Variants in TTBK2 observed in about 807,000 individuals in gnomAD.
The protein encoded by TTBK2 is tau tubulin kinase 2.
Under a neutral mutation model 110.8 loss-of-function variants are expected in TTBK2, and 28 were observed. The observed-to-expected ratio is 0.25, with a 90% confidence interval of 0.19 to 0.35. The LOEUF (loss-of-function observed/expected upper bound fraction) is 0.35. Ranked by LOEUF, TTBK2 falls within the 10% of genes least tolerant of loss-of-function variation. The pLI is 1.00. For missense variants in TTBK2, 1,369 were observed against 1,500.3 expected (o/e 0.91, Z 1.45); for synonymous variants, 532 against 527.3 (o/e 1.01, Z -0.12).
intron 10 of TTBK2, among the ~76,000 whole-genome samples, chr15:42,789,829 CAT>C (rs994472509): frequency 2.9e-5 from 4 of 138,700 alleles, no homozygotes; most frequent in Non-Finnish European, 1.6e-5. Flanking sequence ...ATTGTGTGTG[CAT>C]ATATATATAC....
chr15:42,907,919 A>AAAAT (rs1555437491), intron 1 of TTBK2, among the ~76,000 whole-genome samples: 2 of 147,698 alleles, frequency 1.4e-5, no homozygotes, highest in African/African-American at 5.0e-5. Flanking sequence ...AAAAAAAAAA[A>AAAAT]AATAATAATA....
At chr15:42,828,945 A>G (rs967265622) in intron 5 of TTBK2, among the ~76,000 whole-genome samples, 1 of 152,158 alleles carries the variant, frequency 6.6e-6, no homozygotes, top group Non-Finnish European at 1.5e-5. Flanking sequence ...TTGTTACCAG[A>G]ATTGTTAGTT....
chr15:42,886,831 G>A (rs1200924236), intron 1 of TTBK2, among the ~76,000 whole-genome samples: 1 of 152,218 alleles, frequency 6.6e-6, no homozygotes, highest in Non-Finnish European at 1.5e-5. Context: ...CTAGGCCAAG[G>A]AATGCCCACA....
intron 3 of TTBK2, among the ~76,000 whole-genome samples, chr15:42,862,166 T>C (rs992293832): frequency 5.3e-5 from 8 of 152,030 alleles, no homozygotes; most frequent in African/African-American, 1.9e-4. Flanking sequence ...CACAAAGAAC[T>C]GGTATCAATC....
chr15:42,810,665 G>C lies in TTBK2; in HGVS notation c.771C>G (p.Ile257Met). The C allele has an allele frequency of 6.2e-7, 1 of 1,614,036 alleles. No individual in the cohort carries two copies. Among genetic ancestry groups the C allele is most frequent in the Non-Finnish European group, 8.5e-7 (1 of 1,179,954 alleles). The change falls in exon 9 of 15, where the codon ATC (isoleucine) becomes ATG (methionine). Residue 257 changes from isoleucine (I) to methionine (M), a missense_variant. Physicochemically the swap from Ile to Met is conservative, Grantham distance 10 (BLOSUM62 1). Transcript: ENST00000267890. Reference protein sequence around the residue: ...MLKHLPPEFSIFLDHISSLDY... With the variant: ...MLKHLPPEFSMFLDHISSLDY... ...CCAAAGAAGAGATATGGTCTAGAAA[G>C]ATGCTGAATTCTGGAGGGAGATGTT...
intron 1 of TTBK2, among the ~76,000 whole-genome samples, chr15:42,888,332 T>C (rs1895323419): frequency 6.6e-6 from 1 of 151,956 alleles, no homozygotes; most frequent in Non-Finnish European, 1.5e-5. Context: ...CTTCAATCCA[T>C]CCTCCCACAT....
At chr15:42,903,095 G>A (rs1404155693) in intron 1 of TTBK2, among the ~76,000 whole-genome samples, 2 of 151,694 alleles carry the variant, frequency 1.3e-5, no homozygotes, top group African/African-American at 2.4e-5. Flanking sequence ...ATGAGCCACC[G>A]TGCCCGGCTG....
At chr15:42,826,182 A>G (rs1479513985) in intron 6 of TTBK2, among the ~76,000 whole-genome samples, 1 of 152,168 alleles carries the variant, frequency 6.6e-6, no homozygotes, top group Admixed American at 6.5e-5. Context: ...TTGATTTTAC[A>G]TTAGTAGAAT....
intron 2 of TTBK2, among the ~76,000 whole-genome samples, chr15:42,876,835 T>C (rs1221746795): frequency 6.6e-6 from 1 of 152,192 alleles, no homozygotes; most frequent in East Asian, 1.9e-4. Context: ...ATTAGGATCC[T>C]GTCAAAAGAA....
At chr15:42,918,687 T>A (rs1457558699) in intron 1 of TTBK2, among the ~76,000 whole-genome samples, 1 of 152,194 alleles carries the variant, frequency 6.6e-6, no homozygotes, top group Non-Finnish European at 1.5e-5. Flanking sequence ...ACTTCCCTTC[T>A]AGTATTACAT....
intron 12 of TTBK2, among the ~76,000 whole-genome samples, chr15:42,776,760 G>C (rs1464813413): frequency 6.6e-6 from 1 of 152,102 alleles, no homozygotes; most frequent in Non-Finnish European, 1.5e-5. Flanking sequence ...CATTTAACTT[G>C]TACCTAGTGT....
intron 6 of TTBK2, among the ~76,000 whole-genome samples, chr15:42,819,647 T>C (rs779095973): frequency 6.6e-6 from 1 of 152,208 alleles, no homozygotes; most frequent in Non-Finnish European, 1.5e-5. Flanking sequence ...TCATAGTCAG[T>C]GGATCTCAAT....
intron 3 of TTBK2, among the ~76,000 whole-genome samples, chr15:42,866,591 T>G (rs200556517): frequency 6.6e-6 from 1 of 152,084 alleles, no homozygotes; most frequent in East Asian, 1.9e-4. Context: ...ATAGACTACT[T>G]AAACCAATGA....
chr15:42,837,983 G>C (rs926234182), intron 4 of TTBK2, among the ~76,000 whole-genome samples: 1 of 152,014 alleles, frequency 6.6e-6, no homozygotes, highest in Non-Finnish European at 1.5e-5. Flanking sequence ...TGAGGCAGGC[G>C]GATCGCCTGA....
intron 2 of TTBK2, among the ~76,000 whole-genome samples, chr15:42,877,274 G>A (rs1894853162): frequency 6.6e-6 from 1 of 152,060 alleles, no homozygotes; most frequent in Non-Finnish European, 1.5e-5. Context: ...ATGCCTCCTA[G>A]TGAAGGCTCA....
chr15:42,853,096 CAG>C (rs2141054531), intron 3 of TTBK2, among the ~76,000 whole-genome samples: 1 of 152,276 alleles, frequency 6.6e-6, no homozygotes, highest in East Asian at 1.9e-4. Flanking sequence ...TACTTTGCAG[CAG>C]TAGCTGGAGA....
chr15:42,775,478 C>G lies in TTBK2; in HGVS notation c.1655G>C (p.Trp552Ser). The G allele has an allele frequency of 6.2e-7, 1 of 1,614,182 alleles. No individual in the cohort carries two copies. Among genetic ancestry groups the G allele is most frequent in the Non-Finnish European group, 8.5e-7 (1 of 1,180,030 alleles). ...SCKQEIDSKE[W>S]VIVDKEQDLQ... ...GTCCTGCTCCTTGTCCACAATCACC[C>G]ATTCTTTGGAATCAATTTCTTGCTT... The change falls in exon 13 of 15, where the codon TGG becomes TCG. Residue 552 changes from tryptophan (W) to serine (S), a missense_variant. By Grantham distance (177) the Trp-to-Ser change is radical. Transcript: ENST00000267890.
At chr15:42,784,293 T>C (rs924804018) in intron 10 of TTBK2, among the ~76,000 whole-genome samples, 4 of 152,170 alleles carry the variant, frequency 2.6e-5, no homozygotes, top group South Asian at 2.1e-4. Context: ...TTTTCTTTTT[T>C]TGAGACAGAG....
chr15:42,852,082 T>A (rs923580318), intron 3 of TTBK2, among the ~76,000 whole-genome samples: 1 of 152,088 alleles, frequency 6.6e-6, no homozygotes, highest in Non-Finnish European at 1.5e-5. Context: ...CTTTTTTTTT[T>A]TTTTTTAGAT....
Sources: allele counts gnomAD v4.1 joint callset (sites outside exome capture counted in the v4.1 genomes callset), GRCh38; gene constraint gnomAD v4.1.1; transcripts MANE v1.5; gene names NCBI Gene and HGNC (gene_info 2026-07-23, HGNC 2026-07-21).